The following IGFL2 variants were observed in gnomAD, a reference collection of about 807,000 sequenced individuals.
IGFL2 encodes the protein IGF like family member 2.
A neutral mutation model predicts 13.9 loss-of-function variants in IGFL2; 7 were observed. The observed-to-expected ratio is 0.51, with a 90% CI of 0.29 to 0.95. The LOEUF (loss-of-function observed/expected upper bound fraction) is 0.95. Among genes scored for constraint, IGFL2 ranks in the 40% least tolerant of loss-of-function variants. The pLI is 0.08. For missense variants in IGFL2, 138 were observed against 147.8 expected (o/e 0.93, Z 0.34); for synonymous variants, 55 against 55.8 (o/e 0.99, Z 0.07).
the IGFL2 span, among the ~76,000 whole-genome samples, chr19:46,211,050 A>C: frequency 1.3e-5 from 2 of 152,322 alleles, no homozygotes; most frequent in Non-Finnish European, 2.9e-5. Flanking sequence ...TCTCACATCC[A>C]AGCAATAGCT....
upstream of IGFL2, among the ~76,000 whole-genome samples, chr19:46,147,081 AT>A (rs1311360804): frequency 1.3e-5 from 2 of 152,214 alleles, no homozygotes; most frequent in Non-Finnish European, 2.9e-5. Flanking sequence ...CTGCCTTTCC[AT>A]CTATTCTATG....
chr19:46,147,356 G>A (rs1184801381), upstream of IGFL2, among the ~76,000 whole-genome samples: 5 of 151,612 alleles, frequency 3.3e-5, no homozygotes, highest in Admixed American at 6.6e-5. Flanking sequence ...CATGCTTGTC[G>A]GGGTCCCCTT....
At chr19:46,176,731 C>G in the IGFL2 span, among the ~76,000 whole-genome samples, 8 of 152,198 alleles carry the variant, frequency 5.3e-5, no homozygotes, top group Non-Finnish European at 7.3e-5. Context: ...GGGAGGGTCC[C>G]TGCCACCCTG....
At chr19:46,109,364 G>T in the IGFL2 span, among the ~76,000 whole-genome samples, 1 of 151,794 alleles carries the variant, frequency 6.6e-6, no homozygotes. Flanking sequence ...GCCCAGGCTG[G>T]AGTGCAGTGG....
the IGFL2 span, among the ~76,000 whole-genome samples, chr19:46,176,053 C>T: frequency 7.9e-6 from 1 of 127,332 alleles, no homozygotes; most frequent in Non-Finnish European, 1.6e-5. Flanking sequence ...CGGGGTTTCA[C>T]CACGTTGGTC....
At chr19:46,180,319 C>A in the IGFL2 span, among the ~76,000 whole-genome samples, 1 of 151,888 alleles carries the variant, frequency 6.6e-6, no homozygotes, top group Non-Finnish European at 1.5e-5. Flanking sequence ...GCTGGAACTA[C>A]AGGCACCTGC....
upstream of IGFL2, among the ~76,000 whole-genome samples, chr19:46,144,144 C>T (rs1013400463): frequency 6.6e-6 from 1 of 152,174 alleles, no homozygotes; most frequent in Non-Finnish European, 1.5e-5. Flanking sequence ...TCAGTTCTGC[C>T]ATTGTAGTGA....
At chr19:46,156,671 A>G (rs1973840912) in intron 1 of IGFL2, among the ~76,000 whole-genome samples, 1 of 152,182 alleles carries the variant, frequency 6.6e-6, no homozygotes, top group Non-Finnish European at 1.5e-5. Context: ...TATTGTGCTA[A>G]ATAGTTGTAT....
chr19:46,117,112 G>A, the IGFL2 span, among the ~76,000 whole-genome samples: 1 of 152,010 alleles, frequency 6.6e-6, no homozygotes, highest in African/African-American at 2.4e-5. Context: ...ATTATGTAAG[G>A]TACTTTATTA....
the IGFL2 span, among the ~76,000 whole-genome samples, chr19:46,083,546 A>G: frequency 6.6e-6 from 1 of 152,218 alleles, no homozygotes; most frequent in African/African-American, 2.4e-5. Flanking sequence ...GAGAATACCA[A>G]CCATGGCTGT....
the IGFL2 span, among the ~76,000 whole-genome samples, chr19:46,078,564 C>G: frequency 6.6e-6 from 1 of 152,248 alleles, no homozygotes; most frequent in Non-Finnish European, 1.5e-5. Flanking sequence ...AAGGCCTTCA[C>G]TCCCTAACCC....
At chr19:46,089,428 A>G in the IGFL2 span, among the ~76,000 whole-genome samples, 1 of 152,202 alleles carries the variant, frequency 6.6e-6, no homozygotes, top group African/African-American at 2.4e-5. Flanking sequence ...ATAATTCTAA[A>G]TTTGACTGTA....
chr19:46,124,585 A>T, the IGFL2 span: 1 of 1,576,322 alleles, frequency 6.3e-7, no homozygotes, highest in Non-Finnish European at 8.7e-7. Flanking sequence ...CTGCACTGGG[A>T]ATGAGATGAG....
the IGFL2 span, among the ~76,000 whole-genome samples, chr19:46,188,392 CG>C: frequency 2.6e-5 from 4 of 152,228 alleles, no homozygotes; most frequent in Non-Finnish European, 5.9e-5. Context: ...CCCCAGCCAC[CG>C]TGACGCTCAT....
chr19:46,091,764 T>C, the IGFL2 span, among the ~76,000 whole-genome samples: 1 of 152,182 alleles, frequency 6.6e-6, no homozygotes, highest in Non-Finnish European at 1.5e-5. Context: ...GTTGAAAGAA[T>C]TATTTAGCTA....
chr19:46,193,221 G>GA, the IGFL2 span, among the ~76,000 whole-genome samples: 3 of 151,964 alleles, frequency 2.0e-5, no homozygotes, highest in Admixed American at 6.6e-5. Context: ...ACAAAACAAA[G>GA]AAAAAACAGT....
chr19:46,145,258 A>T (rs1600881148), upstream of IGFL2, among the ~76,000 whole-genome samples: 1 of 152,234 alleles, frequency 6.6e-6, no homozygotes, highest in South Asian at 2.1e-4. Flanking sequence ...TGAGAAATTC[A>T]GTGTCTTTAC....
chr19:46,193,484 G>T, the IGFL2 span, among the ~76,000 whole-genome samples: 1 of 152,140 alleles, frequency 6.6e-6, no homozygotes, highest in African/African-American at 2.4e-5. Context: ...GCCCCAAACT[G>T]CAAGAGTAGT....
the IGFL2 span, among the ~76,000 whole-genome samples, chr19:46,125,230 G>C: frequency 1.3e-5 from 2 of 152,346 alleles, no homozygotes; most frequent in African/African-American, 4.8e-5. Flanking sequence ...TCCAATAAAG[G>C]GGGTAGGGGT....
Sources: gnomAD v4.1 joint callset for allele counts (sites outside exome capture counted in the v4.1 genomes callset) on GRCh38, gnomAD v4.1.1 for gene constraint, MANE v1.5 for transcripts, NCBI Gene and HGNC (gene_info 2026-07-23, HGNC 2026-07-21) for gene names.